Variants in ARID4B observed in about 807,000 individuals in gnomAD.
ARID4B encodes AT-rich interactive domain-containing protein 4B.
Under a neutral mutation model 147.5 loss-of-function variants are expected in ARID4B, and 26 were observed. The ratio of observed to expected loss-of-function variants is 0.18; its 90% CI spans 0.13 to 0.24. The LOEUF is 0.24. Ranked by LOEUF, ARID4B falls within the 10% of genes least tolerant of loss-of-function variation. The pLI, the probability that ARID4B is intolerant of heterozygous loss-of-function variation, is 1.00. For missense variants in ARID4B, 1,179 were observed against 1,511.5 expected (o/e 0.78, Z 3.65); for synonymous variants, 512 against 507.9 (o/e 1.01, Z -0.11).
At chr1:235,207,477 A>G (rs1044417647) in intron 17 of ARID4B, among the ~76,000 whole-genome samples, 3 of 152,220 alleles carry the variant, frequency 2.0e-5, no homozygotes, top group Non-Finnish European at 4.4e-5. Flanking sequence ...AAGGAGAGAA[A>G]AAGAACAGCT....
intron 2 of ARID4B, among the ~76,000 whole-genome samples, chr1:235,306,420 T>C (rs558750980): frequency 6.6e-6 from 1 of 151,648 alleles, no homozygotes; most frequent in East Asian, 1.9e-4. Flanking sequence ...GGAGAATCAC[T>C]TGAACATGGA....
At chr1:235,224,991 T>C (rs919626667) in intron 11 of ARID4B, among the ~76,000 whole-genome samples, 8 of 152,158 alleles carry the variant, frequency 5.3e-5, no homozygotes, top group Admixed American at 2.0e-4. Flanking sequence ...AGTATCCCAA[T>C]AGTTAGAATC....
chr1:235,209,045 T>C (rs1666519272), intron 17 of ARID4B, among the ~76,000 whole-genome samples: 1 of 152,200 alleles, frequency 6.6e-6, no homozygotes. Context: ...TTCCAGTAAA[T>C]GTGGTGTGAA....
chr1:235,269,169 AGAAT>A (rs773832734), intron 2 of ARID4B, among the ~76,000 whole-genome samples: 34 of 152,234 alleles, frequency 2.2e-4, no homozygotes, highest in Non-Finnish European at 4.1e-4. Flanking sequence ...CATATTGACA[AGAAT>A]GAATGAATGA....
At chr1:235,289,544 T>TGAG (rs1672191631) in intron 2 of ARID4B, among the ~76,000 whole-genome samples, 1 of 152,042 alleles carries the variant, frequency 6.6e-6, no homozygotes, top group Admixed American at 6.6e-5. Flanking sequence ...GACAACATAG[T>TGAG]GAGGCCTTAT....
intron 17 of ARID4B, among the ~76,000 whole-genome samples, chr1:235,204,442 A>G (rs545813240): frequency 1.3e-5 from 2 of 152,376 alleles, no homozygotes; most frequent in African/African-American, 4.8e-5. Flanking sequence ...ACTTAAGAAT[A>G]TAACAGCAGA....
chr1:235,206,704 A>G (rs1666328905), intron 17 of ARID4B, among the ~76,000 whole-genome samples: 1 of 152,226 alleles, frequency 6.6e-6, no homozygotes, highest in Non-Finnish European at 1.5e-5. Flanking sequence ...AAGGTACGTA[A>G]GAGGGCAAGA....
intron 12 of ARID4B, among the ~76,000 whole-genome samples, chr1:235,223,685 ATTT>A (rs58659735): frequency 7.4e-6 from 1 of 134,638 alleles, no homozygotes; most frequent in Non-Finnish European, 1.6e-5. Flanking sequence ...GTAAAGCTAC[ATTT>A]TTTTTTTTTT....
At chr1:235,235,581 CTTG>C (rs1668499614) in intron 8 of ARID4B, among the ~76,000 whole-genome samples, 1 of 152,158 alleles carries the variant, frequency 6.6e-6, no homozygotes, top group South Asian at 2.1e-4. Flanking sequence ...ATGTTATTTT[CTTG>C]GTCACTTTAT....
intron 19 of ARID4B, among the ~76,000 whole-genome samples, chr1:235,193,228 CT>C (rs1665249479): frequency 6.6e-6 from 1 of 152,202 alleles, no homozygotes; most frequent in African/African-American, 2.4e-5. Context: ...AAAACCCCGT[CT>C]CTAGAAACAA....
intron 2 of ARID4B, among the ~76,000 whole-genome samples, chr1:235,317,748 C>T (rs555048065): frequency 6.6e-6 from 1 of 152,204 alleles, no homozygotes; most frequent in African/African-American, 2.4e-5. Context: ...ATCCAAAGAG[C>T]CAGGAATTTC....
intron 18 of ARID4B, among the ~76,000 whole-genome samples, chr1:235,195,245 T>A (rs1025672472): frequency 3.3e-5 from 5 of 152,146 alleles, no homozygotes; most frequent in African/African-American, 1.2e-4. Context: ...AAAAGTAACA[T>A]TAATTTTCCA....
intron 2 of ARID4B, among the ~76,000 whole-genome samples, chr1:235,302,333 AGGAGGGGAGG>A (rs571325353): frequency 2.2e-5 from 2 of 90,614 alleles, no homozygotes; most frequent in East Asian, 3.5e-4. Flanking sequence ...AGGAGGGGAA[AGGAGGGGAGG>A]GGAGGGGAGG....
chr1:235,235,063 A>G (rs1387326904), intron 8 of ARID4B, among the ~76,000 whole-genome samples: 1 of 152,208 alleles, frequency 6.6e-6, no homozygotes, highest in Non-Finnish European at 1.5e-5. Context: ...TTGGATGTAA[A>G]GTGGTGGCAA....
At chr1:235,216,734 G>A (rs993883934) in intron 16 of ARID4B, among the ~76,000 whole-genome samples, 2 of 151,926 alleles carry the variant, frequency 1.3e-5, no homozygotes, top group Admixed American at 1.3e-4. Flanking sequence ...AAAATTAACA[G>A]AAATGGGATT....
chr1:235,301,534 CTTTT>C (rs567369149), intron 2 of ARID4B, among the ~76,000 whole-genome samples: 1 of 99,814 alleles, frequency 1.0e-5, no homozygotes, highest in Non-Finnish European at 1.9e-5. Flanking sequence ...GACCCTATTT[CTTTT>C]TTTTTTTTTT....
intron 1 of ARID4B, 30 bp from the exon 2 acceptor site, chr1:235,326,998 A>G (rs182351087): frequency 6.9e-7 from 1 of 1,458,402 alleles, no homozygotes; most frequent in South Asian, 1.1e-5. Flanking sequence ...CACCCAGTCA[A>G]CACCACAGGA....
intron 7 of ARID4B, among the ~76,000 whole-genome samples, chr1:235,241,001 TAAAA>T (rs956156937): frequency 4.9e-4 from 75 of 152,306 alleles, no homozygotes; most frequent in Admixed American, 4.9e-3. Flanking sequence ...TGTATGATGC[TAAAA>T]ACTTTCAAAA....
At chr1:235,276,927 G>A (rs904004508) in intron 2 of ARID4B, among the ~76,000 whole-genome samples, 4 of 151,282 alleles carry the variant, frequency 2.6e-5, no homozygotes, top group Non-Finnish European at 5.9e-5. Flanking sequence ...TTGAACCCGG[G>A]AGGTGGAGAT....
Sources: gnomAD v4.1 joint callset for allele counts (sites outside exome capture counted in the v4.1 genomes callset) on GRCh38, gnomAD v4.1.1 for gene constraint, MANE v1.5 for transcripts, NCBI Gene and HGNC (gene_info 2026-07-23, HGNC 2026-07-21) for gene names.